The following FHL2 variants were observed in gnomAD, a reference collection of about 807,000 sequenced individuals.
The protein encoded by FHL2 is four and a half LIM domains protein 2.
FHL2 carries 20 observed loss-of-function variants against 32.7 expected under a neutral mutation model. That is an observed-to-expected ratio of 0.61 (90% CI 0.43 to 0.89). FHL2 has a LOEUF of 0.89. Among genes scored for constraint, FHL2 ranks in the 40% least tolerant of loss-of-function variants. The probability of loss-of-function intolerance (pLI) is 0.00; values close to 1 mark genes in which losing one functional copy is unlikely to be tolerated. For synonymous variants in FHL2, 123 were observed against 128.1 expected, an observed-to-expected ratio of 0.96 and a Z score of 0.27; for missense variants, 311 against 358.6, an observed-to-expected ratio of 0.87 and a Z score of 1.07.
At chr2:105,422,100 T>G (rs1684122863) in intron 1 of FHL2, among the ~76,000 whole-genome samples, 1 of 152,192 alleles carries the variant, frequency 6.6e-6, no homozygotes, top group Non-Finnish European at 1.5e-5. Flanking sequence ...TCCAACACCA[T>G]GCATGTCCAG....
intron 2 of FHL2, among the ~76,000 whole-genome samples, chr2:105,390,985 GTGTGTGTA>G (rs1489925459): frequency 6.6e-6 from 1 of 151,300 alleles, no homozygotes; most frequent in Non-Finnish European, 1.5e-5. Flanking sequence ...GTGTATGTGT[GTGTGTGTA>G]TGTGTATTTT....
chr2:105,428,506 G>C (rs1262514753), intron 1 of FHL2, among the ~76,000 whole-genome samples: 1 of 152,208 alleles, frequency 6.6e-6, no homozygotes, highest in African/African-American at 2.4e-5. Flanking sequence ...CCATCCCTGA[G>C]AGGTTGGGCT....
chr2:105,401,571 A>G (rs1683469000), upstream of FHL2, among the ~76,000 whole-genome samples: 1 of 152,212 alleles, frequency 6.6e-6, no homozygotes, highest in Non-Finnish European at 1.5e-5. Context: ...CCTGTGTAAA[A>G]CGATAGACAC....
chr2:105,415,638 C>T (rs1318593000), intron 1 of FHL2, among the ~76,000 whole-genome samples: 1 of 152,162 alleles, frequency 6.6e-6, no homozygotes, highest in Admixed American at 6.5e-5. Context: ...AGAACGAAAA[C>T]CGTGTCTGAA....
At chr2:105,413,703 C>A (rs1168212216) in intron 1 of FHL2, among the ~76,000 whole-genome samples, 1 of 152,148 alleles carries the variant, frequency 6.6e-6, no homozygotes, top group African/African-American at 2.4e-5. Flanking sequence ...TAGTCTTGAA[C>A]TCCTGGCCTC....
chr2:105,382,055 C>T (rs752464941), intron 3 of FHL2, among the ~76,000 whole-genome samples: 3 of 152,230 alleles, frequency 2.0e-5, no homozygotes, highest in Non-Finnish European at 4.4e-5. Flanking sequence ...TCTCCTATTT[C>T]AGAGCCCTGC....
At chr2:105,374,277 G>A (rs1253970944) in intron 3 of FHL2, 1 of 157,258 alleles carries the variant, frequency 6.4e-6, no homozygotes, top group African/African-American at 2.4e-5. Flanking sequence ...CCGTGAGCTG[G>A]GGGAGGAAGG....
At chr2:105,375,646 T>C (rs1404723773) in intron 3 of FHL2, 1 of 152,100 alleles carries the variant, frequency 6.6e-6, no homozygotes, top group African/African-American at 2.4e-5. Context: ...GAGCATAGAG[T>C]GCTCTCAAAG....
At chr2:105,385,406 G>A (rs1220741174) in intron 3 of FHL2, among the ~76,000 whole-genome samples, 4 of 152,212 alleles carry the variant, frequency 2.6e-5, no homozygotes, top group East Asian at 3.8e-4. Flanking sequence ...ATCAGTCAGC[G>A]GCAATGTGCT....
chr2:105,371,799 ATTTG>A (rs895671354), intron 4 of FHL2, among the ~76,000 whole-genome samples: 3 of 152,158 alleles, frequency 2.0e-5, no homozygotes, highest in Non-Finnish European at 1.5e-5. Context: ...TAAGGGTTTA[ATTTG>A]TTTTTCAATT....
Position 105,361,182 on chromosome 2 carries a change from A to G in FHL2, c.*101T>C, listed in dbSNP as rs939760066. The G allele has an allele frequency of 1.2e-5, 14 of 1,216,252 alleles. No individual in the cohort carries two copies. Among genetic ancestry groups the G allele is most frequent in the Non-Finnish European group, 1.6e-5 (14 of 854,062 alleles). The allele number at this position is 1,216,252 out of a possible 1,614,324, so 75.3% of individuals were successfully genotyped here. A position where few individuals can be genotyped will look rare whatever the true frequency, so the allele number is the denominator to read the frequency against. ...CTGAAAAGCACTAGAAGAAAGTCTC[A>G]ATGTGGCTGGAAGAAACCAGAAGGC... On this transcript the variant is annotated 3_prime_UTR_variant, in exon 7 of 7. Transcript: ENST00000530340.
At chr2:105,399,585 G>A, upstream of FHL2, 1 of 1,535,204 alleles carries the variant, frequency 6.5e-7, no homozygotes. Flanking sequence ...ACTAAAGGAA[G>A]GTCCTATCCC....
chr2:105,415,992 T>C (rs923143437), intron 1 of FHL2, among the ~76,000 whole-genome samples: 2 of 152,192 alleles, frequency 1.3e-5, no homozygotes, highest in Non-Finnish European at 2.9e-5. Flanking sequence ...TCAATCAATT[T>C]CAAGTTTAAT....
At chr2:105,359,886 C>T (rs1043676429), downstream of FHL2, 2 of 152,096 alleles carry the variant, frequency 1.3e-5, no homozygotes, top group African/African-American at 4.8e-5. Flanking sequence ...GATGTGGATC[C>T]ATAACACTGG....
chr2:105,384,820 A>G (rs1682180040), intron 3 of FHL2, among the ~76,000 whole-genome samples: 1 of 152,146 alleles, frequency 6.6e-6, no homozygotes, highest in African/African-American at 2.4e-5. Context: ...GGTTCTCCCC[A>G]TTTTATAGAT....
At chr2:105,420,864 G>A (rs927793108) in intron 1 of FHL2, among the ~76,000 whole-genome samples, 2 of 152,156 alleles carry the variant, frequency 1.3e-5, no homozygotes, top group Non-Finnish European at 2.9e-5. Flanking sequence ...GAGCTCAGTG[G>A]GGAATGCTTC....
downstream of FHL2, chr2:105,359,005 G>A (rs960100999): frequency 6.6e-6 from 1 of 152,190 alleles, no homozygotes. Flanking sequence ...GCCTGCCATT[G>A]GATAAAAGGC....
chr2:105,359,860 A>T (rs1680147034), downstream of FHL2: 2 of 152,168 alleles, frequency 1.3e-5, no homozygotes, highest in Non-Finnish European at 2.9e-5. Flanking sequence ...CTTTCACTTT[A>T]TGGAAGTCGG....
intron 5 of FHL2, among the ~76,000 whole-genome samples, chr2:105,367,268 G>A (rs1328298412): frequency 6.6e-6 from 1 of 152,164 alleles, no homozygotes; most frequent in East Asian, 1.9e-4. Context: ...ACAGCTTTGG[G>A]ATGGTGGCTC....
Sources: allele counts gnomAD v4.1 joint callset (sites outside exome capture counted in the v4.1 genomes callset), GRCh38; gene constraint gnomAD v4.1.1; transcripts MANE v1.5; gene names NCBI Gene and HGNC (gene_info 2026-07-23, HGNC 2026-07-21).